Variants in PGK1 observed in about 807,000 individuals in gnomAD.
PGK1 encodes the protein PRP 2.
In PGK1, 3 loss-of-function variants were observed where a neutral mutation model predicts 26.9. That is an observed-to-expected ratio of 0.11 (90% CI 0.05 to 0.29). The LOEUF (loss-of-function observed/expected upper bound fraction) is 0.29, where lower values mean the gene tolerates loss of function less well. Among genes scored for constraint, PGK1 ranks in the 10% least tolerant of loss-of-function variants. The pLI is 1.00. For synonymous variants in PGK1, 125 were observed against 115.3 expected (o/e 1.08, Z -0.54); for missense variants, 270 against 314.7 (o/e 0.86, Z 1.07).
chrX:78,107,662 T>A (rs1022626712), intron 1 of PGK1, among the ~76,000 whole-genome samples: 12 of 111,836 alleles, frequency 1.1e-4, no homozygotes, highest in Non-Finnish European at 2.1e-4. Flanking sequence ...TTGTTTCTGA[T>A]TTGGGGCTAT....
At chrX:78,122,027 C>T (rs2078357643) in intron 6 of PGK1, among the ~76,000 whole-genome samples, 1 of 111,701 alleles carries the variant, frequency 9.0e-6, no homozygotes, top group Non-Finnish European at 1.9e-5. Flanking sequence ...ATAGTGAGAC[C>T]TTGTCTCTAC....
At position 78,114,224 on chromosome X, in the gene PGK1, A is replaced by G; in HGVS notation, c.417+64A>G. 7.6e-6 allele frequency: 8 copies of G among 1,053,755 alleles called. No homozygotes were observed. In the South Asian group the frequency reaches 1.5e-4, roughly 20 times the overall value. 86.8% of individuals were successfully genotyped at this position (1,053,755 alleles called of 1,213,427 possible). On this transcript the variant is annotated intron_variant, in intron 4 of 10. Coordinates refer to ENST00000373316, the MANE Select transcript of PGK1 (RefSeq NM_000291.4). ...CTGAGTCTGTAAGAGACTGTGGTTG[A>G]AGAATAGAGAAAGCTCATTTATTTT... is the stretch of plus-strand genomic sequence containing the variant.
At chrX:78,106,753 A>ACAGC in intron 1 of PGK1, 1 of 296,055 alleles carries the variant, frequency 3.4e-6, no homozygotes, top group Non-Finnish European at 4.5e-6. Flanking sequence ...AGTTGACTTT[A>ACAGC]CAGCCTCTTT....
At position 78,125,055 on chromosome X, in the gene PGK1, A is replaced by C. The variant is rs1017311455; in HGVS notation, c.1114+4A>C. 2 of 1,200,887 alleles carry C rather than the reference A, an allele frequency of 1.7e-6. No homozygotes were observed. Among genetic ancestry groups the C allele is most frequent in the Middle Eastern group, 2.3e-4 (1 of 4,331 alleles). The stretch of plus-strand genomic sequence containing the variant: ...AGGGGCTGCATCACCATCATAGGTA[A>C]GCGGTCCTATACAAAGCTAATACCC... On this transcript the variant is annotated splice_donor_region_variant and intron_variant, in intron 9 of 10. Coordinates refer to ENST00000373316, the MANE Select transcript of PGK1 (RefSeq NM_000291.4).
chrX:78,105,612 C>T (rs2078268854), intron 1 of PGK1, among the ~76,000 whole-genome samples: 1 of 111,499 alleles, frequency 9.0e-6, no homozygotes, highest in African/African-American at 3.3e-5. Context: ...TATGAGGACA[C>T]GTTTGAGTTA....
chrX:78,113,892 C>T lies in PGK1; in HGVS notation c.265C>T (p.Leu89=), dbSNP rs782415977. 7.4e-6 allele frequency: 9 copies of T among 1,211,448 alleles called. No individual in the cohort carries two copies. The highest frequency in any genetic ancestry group is 1.0e-5 in the Non-Finnish European group (9 of 894,991). The part of the protein sequence containing the change: ...EPVAVELKSL[L]GKDVLFLKDC... The stretch of plus-strand genomic sequence containing the variant: ...AGTTGCTGTAGAACTCAAATCTCTG[C>T]TGGGCAAGTAAGTGCCAGGCTCTGG... Residue 89 remains leucine, a synonymous_variant, in exon 3 of 11, where the codon CTG becomes TTG. Coordinates refer to ENST00000373316, the MANE Select transcript of PGK1 (RefSeq NM_000291.4).
rs2078309566 is a variant in PGK1, at chrX:78,113,230, T to C, written c.117-514T>C. 2.7e-5 allele frequency among the ~76,000 whole-genome samples: 3 copies of C among 110,922 alleles called. No individual in the cohort carries two copies. The South Asian group carries it at 1.1e-3, about 42-fold the overall frequency. ...AGATGACCTAAGCCCCTGGGGAGGT[T>C]GAAGCTGCAGTGAGCTGAGATTGTG... On this transcript the variant is annotated intron_variant, in intron 2 of 10. Transcript: ENST00000373316.
At chrX:78,110,184 ACT>A (rs1292565375) in intron 2 of PGK1, among the ~76,000 whole-genome samples, 8 of 110,222 alleles carry the variant, frequency 7.3e-5, no homozygotes, top group Non-Finnish European at 1.3e-4. Context: ...ATAGGGTCTC[ACT>A]CTGTCACCCA....
rs782419233 is a variant in PGK1 at position 78,127,849 on chromosome X, CAG to C, written c.*2020_*2021del. On this transcript the variant is annotated 3_prime_UTR_variant, in exon 11 of 11. Coordinates refer to ENST00000373316, the MANE Select transcript of PGK1 (RefSeq NM_000291.4). Reference sequence around the variant, plus strand: ...GTTTCTGCATACCTCTATGGGTACTCAGGAATTCTAGTCCAATTTTTGTGACT... The same window carrying C: ...GTTTCTGCATACCTCTATGGGTACTCGAATTCTAGTCCAATTTTTGTGACT... 2 of 112,149 alleles carry C rather than the reference CAG, an allele frequency of 1.8e-5. No individual in the cohort carries two copies. Among genetic ancestry groups the C allele is most frequent in the African/African-American group, 6.5e-5 (2 of 30,921 alleles). 9.2% of individuals were successfully genotyped at this position (112,149 alleles called of 1,213,427 possible). A position where few individuals can be genotyped will look rare whatever the true frequency, so the allele number is the denominator to read the frequency against.
chrX:78,113,979 A>G (rs1557247170), intron 3 of PGK1, 37 bp from the exon 4 acceptor site: 3 of 1,208,777 alleles, frequency 2.5e-6, no homozygotes, highest in Non-Finnish European at 3.4e-6. Flanking sequence ...TTTAACTTTC[A>G]TACTGCTCAA....
chrX:78,113,678 A>G (rs782411908), intron 2 of PGK1, 66 bp from the exon 3 acceptor site: 11 of 1,003,206 alleles, frequency 1.1e-5, no homozygotes, highest in South Asian at 7.8e-5. Flanking sequence ...GAGGTTATCA[A>G]TAAGCTAGTT....
chrX:78,118,576 CTAAA>C (rs781944002), intron 6 of PGK1, among the ~76,000 whole-genome samples: 1,643 of 109,550 alleles, frequency 0.015, 11 homozygotes, highest in Non-Finnish European at 0.021. Context: ...AAGACCGTTT[CTAAA>C]TAAATAAATA....
intron 6 of PGK1, among the ~76,000 whole-genome samples, chrX:78,121,365 A>G (rs1269760110): frequency 8.9e-6 from 1 of 112,191 alleles, no homozygotes; most frequent in East Asian, 2.8e-4. Context: ...GAAGAAATTG[A>G]ACTCCTTTCT....
intron 2 of PGK1, among the ~76,000 whole-genome samples, chrX:78,112,070 CATCAT>C (rs1213288948): frequency 8.9e-6 from 1 of 111,862 alleles, no homozygotes; most frequent in African/African-American, 3.2e-5. Context: ...GCTCAGATGT[CATCAT>C]ATCAGACTTT....
intron 2 of PGK1, among the ~76,000 whole-genome samples, chrX:78,111,626 C>T (rs1278291502): frequency 1.8e-5 from 2 of 111,940 alleles, no homozygotes; most frequent in Non-Finnish European, 3.8e-5. Context: ...TCGTAATGGA[C>T]AGTGCAGGTC....
chrX:78,104,352 T>C lies in PGK1; in HGVS notation c.12T>C (p.Ser4=). Reference sequence around the variant, plus strand: ...GCTGTATTTCCAAAATGTCGCTTTCTAACAAGCTGACGCTGGACAAGCTGG... The same window carrying C: ...GCTGTATTTCCAAAATGTCGCTTTCCAACAAGCTGACGCTGGACAAGCTGG... The part of the protein sequence containing the change: MSL[S]NKLTLDKLDV... The change falls in exon 1 of 11, where the codon TCT becomes TCC. Residue 4 remains serine, a synonymous_variant. Coordinates refer to ENST00000373316, the MANE Select transcript of PGK1 (RefSeq NM_000291.4). The C allele has an allele frequency of 8.3e-7, 1 of 1,205,849 alleles. No homozygotes were observed. The highest frequency in any genetic ancestry group is 1.1e-6 in the Non-Finnish European group (1 of 889,902).
At chrX:78,105,566 T>G (rs1557246115) in intron 1 of PGK1, among the ~76,000 whole-genome samples, 2 of 111,502 alleles carry the variant, frequency 1.8e-5, no homozygotes, top group African/African-American at 6.5e-5. Flanking sequence ...GACACGTAAG[T>G]CAGTAGGAGA....
Position 78,129,238 on chromosome X carries a change from T to TATCTATCTATCTATCTATCTA in PGK1, c.*3409_*3429dup, listed in dbSNP as rs2078397416. 1 of 109,812 alleles carries TATCTATCTATCTATCTATCTA rather than the reference T, an allele frequency of 9.1e-6. No homozygotes were observed. Among genetic ancestry groups the TATCTATCTATCTATCTATCTA allele is most frequent in the South Asian group, 3.9e-4 (1 of 2,571 alleles). The allele number at this position is 109,812 out of a possible 1,213,427, so 9.0% of individuals were successfully genotyped here. ...GTGTGTACCTATCTATCTATCTATC[T>TATCTATCTATCTATCTATCTA]ATCTATCTATCTATCTATCTATCTG... On this transcript the variant is annotated 3_prime_UTR_variant, in exon 11 of 11. Transcript: ENST00000373316.
rs1455005195 is a variant in PGK1 at position 78,104,251 on chromosome X, C to T, written c.-90C>T. 6 of 691,992 alleles carry T rather than the reference C, an allele frequency of 8.7e-6. No homozygotes were observed. The highest frequency in any genetic ancestry group is 2.1e-5 in the African/African-American group (1 of 47,581). The allele number at this position is 691,992 out of a possible 1,213,427, so 57.0% of individuals were successfully genotyped here. Reference sequence around the variant, plus strand: ...GCCCTGTTCCTGCCCGCGCGGTGTTCCGCATTCTGCAAGCCTCCGGAGCGC... The same window carrying T: ...GCCCTGTTCCTGCCCGCGCGGTGTTTCGCATTCTGCAAGCCTCCGGAGCGC... On this transcript the variant is annotated 5_prime_UTR_variant, in exon 1 of 11. Coordinates refer to ENST00000373316, the MANE Select transcript of PGK1 (RefSeq NM_000291.4).
Sources: gnomAD v4.1 joint callset for allele counts (sites outside exome capture counted in the v4.1 genomes callset) on GRCh38, gnomAD v4.1.1 for gene constraint, MANE v1.5 for transcripts, NCBI Gene and HGNC (gene_info 2026-07-23, HGNC 2026-07-21) for gene names.